The following GOLGA3 variants were observed in gnomAD, a reference collection of about 807,000 sequenced individuals.
GOLGA3 encodes golgin subfamily A member 3.
A neutral mutation model predicts 169.4 loss-of-function variants in GOLGA3; 75 were observed. The observed-to-expected ratio is 0.44, with a 90% CI of 0.37 to 0.54. The LOEUF (loss-of-function observed/expected upper bound fraction) is 0.54. Ranked by LOEUF, GOLGA3 falls within the 20% of genes least tolerant of loss-of-function variation. GOLGA3 has a pLI of 0.00. For missense variants in GOLGA3, 1,899 were observed against 1,930.0 expected, an observed-to-expected ratio of 0.98 and a Z score of 0.30; for synonymous variants, 824 against 822.4, an observed-to-expected ratio of 1.00 and a Z score of -0.03.
rs531154534 is a variant in GOLGA3, at chr12:132,804,064, G to A, written c.1597+652C>T. On this transcript the variant is annotated intron_variant, in intron 7 of 23. Transcript: ENST00000450791. This position sits in a 1 kb window ranked among gnomAD's most constrained non-coding sequence, Gnocchi z 4.1. ...GGCGGGGACTGAGGGGGTGGAAGGC[G>A]TGCTGCCAAGCCACATGGAAGCCCG... Among the ~76,000 whole-genome samples the A allele has an allele frequency of 6.6e-5, 10 of 152,310 alleles. No individual in the cohort carries two copies. In the East Asian group the frequency reaches 1.9e-3, roughly 29 times the overall value.
At chr12:132,819,817 A>G (rs1950136923) in intron 2 of GOLGA3, among the ~76,000 whole-genome samples, 2 of 152,208 alleles carry the variant, frequency 1.3e-5, no homozygotes, top group South Asian at 4.1e-4. Context: ...AGGTGGAAGG[A>G]TAACTCAAGG....
chr12:132,798,935 G>A (rs1419068439), intron 8 of GOLGA3, among the ~76,000 whole-genome samples: 4 of 152,200 alleles, frequency 2.6e-5, no homozygotes, highest in Admixed American at 6.5e-5. Context: ...GCTAGGGCCC[G>A]GCCCAGACCT....
chr12:132,827,809 T>G (rs1014744081), intron 1 of GOLGA3: 3 of 151,928 alleles, frequency 2.0e-5, no homozygotes, highest in African/African-American at 7.3e-5. Flanking sequence ...TGCTCACACC[T>G]GTAACACCAG....
chr12:132,813,375 G>T lies in GOLGA3; in HGVS notation c.451C>A (p.Arg151=), dbSNP rs1440872614. ...TCCAGCCACTTCCGAGCCTGAAGTC[G>T]GACCTGCTCCTCCTTCTCCAGGGGC... ...PLPLEKEEQV[R]LQARKWLEEQ... Residue 151 remains arginine, a synonymous_variant, in exon 4 of 24, where the codon CGA becomes AGA. Coordinates refer to ENST00000450791, the MANE Select transcript of GOLGA3 (RefSeq NM_001389683.1). The T allele has an allele frequency of 3.1e-6, 5 of 1,613,362 alleles. No individual in the cohort carries two copies. Among genetic ancestry groups the T allele is most frequent in the Non-Finnish European group, 2.5e-6 (3 of 1,179,578 alleles).
At chr12:132,798,226 C>A (rs941421754) in intron 9 of GOLGA3, 114 bp downstream of exon 9, 2 of 1,008,538 alleles carry the variant, frequency 2.0e-6, no homozygotes, top group African/African-American at 3.3e-5. Context: ...GCCCGCCATC[C>A]ATGAGAATAT....
At chr12:132,783,261 C>T (rs1207789177) in intron 16 of GOLGA3, among the ~76,000 whole-genome samples, 1 of 152,264 alleles carries the variant, frequency 6.6e-6, no homozygotes. Context: ...GTGCTTGCTT[C>T]ATGATCTGAA....
rs1976038 is a variant in GOLGA3, at chr12:132,787,047, A to T, written c.2812-260T>A. On this transcript the variant is annotated intron_variant, in intron 13 of 23. Transcript: ENST00000450791. The stretch of plus-strand genomic sequence containing the variant: ...CAGCTCACTGCAACCTCCGCCTCCC[A>T]GGTTCAAGTGATTCTCCTGCCTCAG... 1.3e-3 allele frequency among the ~76,000 whole-genome samples: 199 copies of T among 151,560 alleles called. 7 individuals carry two copies. In the South Asian group the frequency reaches 0.04, roughly 31 times the overall value.
At chr12:132,799,495 G>C (rs183541220) in intron 8 of GOLGA3, among the ~76,000 whole-genome samples, 1 of 152,276 alleles carries the variant, frequency 6.6e-6, no homozygotes, top group Admixed American at 6.5e-5. Flanking sequence ...TAAACAATTA[G>C]CCAGGTGTGA....
intron 7 of GOLGA3, among the ~76,000 whole-genome samples, chr12:132,803,080 C>A (rs373813935): frequency 3.2e-5 from 1 of 31,276 alleles, no homozygotes; most frequent in South Asian, 8.1e-4. Flanking sequence ...ACAACAACAA[C>A]AACAAAACAA....
At chr12:132,776,478 G>A (rs147191860) in intron 21 of GOLGA3, among the ~76,000 whole-genome samples, 156 bp downstream of exon 21, 26,689 of 107,210 alleles carry the variant, frequency 0.25, 3,120 homozygotes, top group Non-Finnish European at 0.33. Context: ...ACAGGTACCC[G>A]CAGCAGCTGC....
chr12:132,821,099 C>CAAAAA (rs61336622), intron 2 of GOLGA3, among the ~76,000 whole-genome samples: 11,669 of 48,982 alleles, frequency 0.24, 2,130 homozygotes, highest in Middle Eastern at 0.48. Flanking sequence ...GACACCGTCT[C>CAAAAA]AAAAAAAAAA....
At chr12:132,784,710 C>T (rs1189123379) in intron 15 of GOLGA3, among the ~76,000 whole-genome samples, 2 of 142,524 alleles carry the variant, frequency 1.4e-5, no homozygotes, top group East Asian at 4.0e-4. Flanking sequence ...ACATCCCACA[C>T]ACCACACACA....
intron 6 of GOLGA3, among the ~76,000 whole-genome samples, chr12:132,806,078 C>T (rs1435046900): frequency 6.6e-6 from 1 of 152,166 alleles, no homozygotes; most frequent in Non-Finnish European, 1.5e-5. Flanking sequence ...CACGCTGAGG[C>T]CTACAGGGGC....
rs2044816846 is a variant in GOLGA3, at chr12:132,769,758, TG to T, written c.*3346del. ...ACGCCACATAATGCACTGGTGACCC[TG>T]TTTTGTAAGCAGTACTCCCAACTTC... On this transcript the variant is annotated 3_prime_UTR_variant, in exon 24 of 24. Transcript: ENST00000450791. 6.6e-6 allele frequency: 1 copy of T among 152,344 alleles called. No individual in the cohort carries two copies. Among genetic ancestry groups the T allele is most frequent in the Middle Eastern group, 3.4e-3 (1 of 294 alleles). The allele number at this position is 152,344 out of a possible 1,614,324, so 9.4% of individuals were successfully genotyped here.
At chr12:132,810,778 T>C (rs1949665764) in intron 4 of GOLGA3, among the ~76,000 whole-genome samples, 1 of 152,018 alleles carries the variant, frequency 6.6e-6, no homozygotes, top group African/African-American at 2.4e-5. Flanking sequence ...TAGAGAAGAC[T>C]CTACTCCTCC....
At chr12:132,798,267 G>A in intron 9 of GOLGA3, 73 bp downstream of exon 9, 1 of 1,391,684 alleles carries the variant, frequency 7.2e-7, no homozygotes, top group Non-Finnish European at 9.8e-7. Context: ...GACGGAACAT[G>A]TAAGAAAACA....
intron 17 of GOLGA3, among the ~76,000 whole-genome samples, chr12:132,781,443 C>T (rs2045602164): frequency 6.6e-6 from 1 of 152,044 alleles, no homozygotes; most frequent in South Asian, 2.1e-4. Context: ...CCTGTAGTCC[C>T]AGCTATACCA....
intron 2 of GOLGA3, among the ~76,000 whole-genome samples, chr12:132,821,102 A>AAAAAT (rs1442725555): frequency 6.7e-6 from 1 of 148,228 alleles, no homozygotes; most frequent in African/African-American, 2.5e-5. Context: ...ACCGTCTCAA[A>AAAAAT]AAAAAAAAAA....
intron 17 of GOLGA3, 112 bp from the exon 18 acceptor site, chr12:132,781,026 G>A (rs371921114): frequency 1.3e-6 from 1 of 760,924 alleles, no homozygotes; most frequent in African/African-American, 1.7e-5. Flanking sequence ...CGCCAGGGAG[G>A]TAGAGGGAAC....
Sources: allele counts gnomAD v4.1 joint callset (sites outside exome capture counted in the v4.1 genomes callset), GRCh38; gene constraint gnomAD v4.1.1; non-coding constraint Gnocchi (gnomAD v3.1); transcripts MANE v1.5; gene names NCBI Gene and HGNC (gene_info 2026-07-23, HGNC 2026-07-21).